The following CTU2 variants were observed in gnomAD, a reference collection of about 807,000 sequenced individuals.
CTU2 encodes the protein cytoplasmic tRNA 2-thiolation protein 2.
In CTU2, 80 loss-of-function variants were observed where a neutral mutation model predicts 64.1. That is an observed-to-expected ratio of 1.25 (90% CI 1.04 to 1.50). CTU2 has a LOEUF of 1.50. CTU2 is among the 40% of genes most tolerant of loss of function. The pLI is 0.00. For synonymous variants in CTU2, 482 were observed against 285.3 expected, an observed-to-expected ratio of 1.69 and a Z score of -6.95; for missense variants, 1,110 against 690.2, an observed-to-expected ratio of 1.61 and a Z score of -6.81.
At position 88,713,542 on chromosome 16, in the gene CTU2, G is replaced by A. The variant is rs543413986; in HGVS notation, c.873+95G>A. 8.7e-4 allele frequency: 1,166 copies of A among 1,338,394 alleles called. 12 individuals carry two copies. In the African/African-American group the frequency reaches 0.024, roughly 28 times the overall value. 82.9% of individuals were successfully genotyped at this position (1,338,394 alleles called of 1,614,324 possible). A position where few individuals can be genotyped will look rare whatever the true frequency, so the allele number is the denominator to read the frequency against. ...GTAGCCTCTCGCGTATCAGTCCTGC[G>A]GCCTCGGATGGTGGTGGGGTCTGTG... On this transcript the variant is annotated intron_variant, in intron 8 of 14. Coordinates refer to ENST00000453996, the MANE Select transcript of CTU2 (RefSeq NM_001012759.3).
At position 88,707,022 on chromosome 16, in the gene CTU2, G is replaced by C. The variant is rs902599216; in HGVS notation, c.69-114G>C. ...CCTGGGTTTGTGTGTGTACCGAGGT[G>C]CCTTTCTCTGACCCAACTCAGGGTG... On this transcript the variant is annotated intron_variant, in intron 1 of 14. Transcript: ENST00000453996. 26 of 965,396 alleles carry C rather than the reference G, an allele frequency of 2.7e-5. No homozygotes were observed. In the South Asian group the frequency reaches 3.3e-4, roughly 12 times the overall value. The allele number at this position is 965,396 out of a possible 1,614,324, so 59.8% of individuals were successfully genotyped here.
In CTU2 at chr16:88,706,577, C is replaced by G; in HGVS notation, c.47C>G (p.Pro16Arg). ...EDYGEPAPEEPPPAPRPSREQ... is the reference protein window; with the variant it reads ...EDYGEPAPEERPPAPRPSREQ... ...TACGGGGAGCCGGCGCCTGAGGAGC[C>G]GCCCCCGGCGCCGCGGCCCAGGTAA... Residue 16 changes from proline to arginine, a missense_variant, in exon 1 of 15, where the codon CCG becomes CGG. Transcript: ENST00000453996. 6.9e-7 allele frequency: 1 copy of G among 1,454,740 alleles called. No individual in the cohort carries two copies. Among genetic ancestry groups the G allele is most frequent in the Admixed American group, 2.7e-5 (1 of 37,564 alleles). 90.1% of individuals were successfully genotyped at this position (1,454,740 alleles called of 1,614,324 possible).
At chr16:88,712,493 TG>T in intron 6 of CTU2, 110 bp downstream of exon 6, 4 of 1,435,902 alleles carry the variant, frequency 2.8e-6, no homozygotes, top group Admixed American at 2.2e-5. Context: ...GGGCTGTCGG[TG>T]GGGGGTGGGA....
At chr16:88,712,438 G>A in intron 6 of CTU2, 55 bp downstream of exon 6, 1 of 1,483,114 alleles carries the variant, frequency 6.7e-7, no homozygotes, top group Non-Finnish European at 9.1e-7. Flanking sequence ...GGGGGCACCT[G>A]CCCGTGTCCC....
At position 88,712,385 on chromosome 16, in the gene CTU2, T is replaced by G. The variant is rs1597429011; in HGVS notation, c.453+2T>G. ...TGGCATGTGGTGGCCTTAGAGGAGG[T>G]GGGAGGGCTGTCCCTGGAAAGGGGT... On this transcript the variant is annotated splice_donor_variant, in intron 6 of 14. Coordinates refer to ENST00000453996, the MANE Select transcript of CTU2 (RefSeq NM_001012759.3). LOFTEE classifies it high-confidence loss of function. 1.0e-5 allele frequency: 16 copies of G among 1,596,558 alleles called. No individual in the cohort carries two copies. The highest frequency in any genetic ancestry group is 1.3e-5 in the Non-Finnish European group (15 of 1,169,792).
chr16:88,713,537 C>T (rs1349106216), intron 8 of CTU2, 90 bp downstream of exon 8: 20 of 1,432,588 alleles, frequency 1.4e-5, no homozygotes, highest in Non-Finnish European at 1.8e-5. Context: ...GCGTATCAGT[C>T]CTGCGGCCTC....
intron 2 of CTU2, among the ~76,000 whole-genome samples, chr16:88,707,958 C>A (rs1041781142): frequency 6.6e-6 from 1 of 152,054 alleles, no homozygotes; most frequent in African/African-American, 2.4e-5. Context: ...TTACAGGTGC[C>A]TGCCATCATG....
intron 9 of CTU2, 21 bp from the exon 10 acceptor site, chr16:88,714,115 C>T (rs765613896): frequency 3.7e-6 from 6 of 1,610,452 alleles, no homozygotes; most frequent in East Asian, 2.2e-5. Context: ...TTCCCATAGC[C>T]TCCAATCTGA....
Position 88,713,452 on chromosome 16 carries a change from G to GC in CTU2, c.873+6dup. The stretch of plus-strand genomic sequence containing the variant: ...GCCTTCCTGGCCTGGGATACGGTAG[G>GC]CAGGGGCCTGGGTGTTCAGGAGGCC... On this transcript the variant is annotated splice_donor_region_variant and intron_variant, in intron 8 of 14. Transcript: ENST00000453996. 6.4e-7 allele frequency: 1 copy of GC among 1,574,262 alleles called. No homozygotes were observed. Among genetic ancestry groups the GC allele is most frequent in the Non-Finnish European group, 8.6e-7 (1 of 1,166,990 alleles).
chr16:88,715,032 C>G lies in CTU2; in HGVS notation c.1420-16C>G. ...TGGCAGGTTTCTTGGCCCCTCGACA[C>G]CGGCCTCTGTTGCAGCCCTCACTGG... On this transcript the variant is annotated splice_polypyrimidine_tract_variant and intron_variant, in intron 13 of 14. Transcript: ENST00000453996. 1.3e-6 allele frequency: 2 copies of G among 1,578,054 alleles called. No individual in the cohort carries two copies. Among genetic ancestry groups the G allele is most frequent in the East Asian group, 2.3e-5 (1 of 44,080 alleles).
chr16:88,711,814 C>T lies in CTU2; in HGVS notation c.343+119C>T, dbSNP rs565498370. On this transcript the variant is annotated intron_variant, in intron 5 of 14. Coordinates refer to ENST00000453996, the MANE Select transcript of CTU2 (RefSeq NM_001012759.3). ...CCTCCCTCTGGTAGGATGTGTTGAG[C>T]TACTGGTGCTGCCCCTGCACTGAGG... The T allele has an allele frequency of 6.8e-5, 63 of 929,588 alleles. No homozygotes were observed. The African/African-American group carries it at 8.9e-4, about 13-fold the overall frequency. 57.6% of individuals were successfully genotyped at this position (929,588 alleles called of 1,614,324 possible). A position where few individuals can be genotyped will look rare whatever the true frequency, so the allele number is the denominator to read the frequency against.
chr16:88,708,632 C>T (rs553096341), intron 2 of CTU2, among the ~76,000 whole-genome samples: 6 of 152,254 alleles, frequency 3.9e-5, no homozygotes, highest in East Asian at 3.9e-4. Context: ...TAAACACAGA[C>T]TTGCTTTACT....
At position 88,715,189 on chromosome 16, in the gene CTU2, G is replaced by A. The variant is rs908212622; in HGVS notation, c.1486G>A (p.Gly496Ser). 29 of 1,612,318 alleles carry A rather than the reference G, an allele frequency of 1.8e-5. No individual in the cohort carries two copies. Among genetic ancestry groups the A allele is most frequent in the Non-Finnish European group, 2.2e-5 (26 of 1,179,842 alleles). The change falls in exon 15 of 15, where the codon GGC becomes AGC. Residue 496 changes from glycine to serine, a missense_variant. By Grantham distance (56) the Gly-to-Ser change is moderately conservative. Transcript: ENST00000453996. ...CTGCAGCTTTCTCTCTAGGGCCTGG[G>A]GCTTGCAGGAGATCCGGGACTGTCT... ...EAQLRTQRAW[G>S]LQEIRDCLIE...
rs2340974 is a variant in CTU2, at chr16:88,713,742, C to T, written c.969C>T (p.Ser323=). 5,458 of 1,612,716 alleles carry T rather than the reference C, an allele frequency of 3.4e-3. 119 individuals carry two copies. In the African/African-American group the frequency reaches 0.051, roughly 15 times the overall value. Reference sequence around the variant, plus strand: ...TCGCTTTCTACAACCGCCTGTTCTCCGTTCCTTCTGTCTTCACACCAGCCG... The same window carrying T: ...TCGCTTTCTACAACCGCCTGTTCTCTGTTCCTTCTGTCTTCACACCAGCCG... ...KEVAFYNRLF[S]VPSVFTPAVD... Residue 323 remains serine, a synonymous_variant, in exon 9 of 15, where the codon TCC becomes TCT. Coordinates refer to ENST00000453996, the MANE Select transcript of CTU2 (RefSeq NM_001012759.3).
In CTU2 at chr16:88,715,036, CCT is replaced by C; in HGVS notation, c.1420-9_1420-8del. On this transcript the variant is annotated splice_polypyrimidine_tract_variant and intron_variant, in intron 13 of 14. Coordinates refer to ENST00000453996, the MANE Select transcript of CTU2 (RefSeq NM_001012759.3). ...AGGTTTCTTGGCCCCTCGACACCGG[CCT>C]CTGTTGCAGCCCTCACTGGACCCCC... 1 of 1,577,390 alleles carries C rather than the reference CCT, an allele frequency of 6.3e-7. No homozygotes were observed. Among genetic ancestry groups the C allele is most frequent in the Non-Finnish European group, 8.6e-7 (1 of 1,160,524 alleles).
rs1420543531 is a variant in CTU2 at position 88,715,382 on chromosome 16, A to AAAAACTCT, written c.*133_*140dup. The AAAAACTCT allele has an allele frequency of 2.6e-6, 3 of 1,151,378 alleles. No individual in the cohort carries two copies. The African/African-American group carries it at 4.7e-5, about 18-fold the overall frequency. 71.3% of individuals were successfully genotyped at this position (1,151,378 alleles called of 1,614,324 possible). ...AAATAAAACATTTTTTAATTAAAAA[A>AAAAACTCT]AAAACTCTACAGTACACGTGGGGGA... On this transcript the variant is annotated 3_prime_UTR_variant, in exon 15 of 15. Coordinates refer to ENST00000453996, the MANE Select transcript of CTU2 (RefSeq NM_001012759.3).
rs1555551074 is a variant in CTU2 at position 88,714,239 on chromosome 16, T to TGCGGGGG, written c.1097+13_1097+14insCGGGGGG. ...AGCACTGTGTACAGGTGTGGGTGTG[T>TGCGGGGG]GTGGGTGTGTGCGGGGGGTGCGCGG... On this transcript the variant is annotated intron_variant, in intron 10 of 14. Transcript: ENST00000453996. 1.9e-6 allele frequency: 3 copies of TGCGGGGG among 1,602,392 alleles called. No homozygotes were observed. Among genetic ancestry groups the TGCGGGGG allele is most frequent in the Non-Finnish European group, 2.6e-6 (3 of 1,176,150 alleles).
At position 88,714,153 on chromosome 16, in the gene CTU2, C is replaced by T. The variant is rs1170037072; in HGVS notation, c.1023C>T (p.Ser341=). 2.5e-6 allele frequency: 4 copies of T among 1,612,622 alleles called. No homozygotes were observed. Among genetic ancestry groups the T allele is most frequent in the Middle Eastern group, 1.6e-4 (1 of 6,084 alleles). ...GTCCCTAGGCCCCTGAAAAGGCCAG[C>T]ATCCACCGGCTGATGGAGGCCTTCA... ...AVDTKAPEKA[S]IHRLMEAFIL... Residue 341 remains serine, a synonymous_variant, in exon 10 of 15, where the codon AGC becomes AGT. Coordinates refer to ENST00000453996, the MANE Select transcript of CTU2 (RefSeq NM_001012759.3).
Position 88,707,117 on chromosome 16 carries a change from C to T in CTU2, c.69-19C>T, listed in dbSNP as rs185353598. ...ATGTGATCTGTGTTTCTCTCTTCTC[C>T]CCCCTCCCATCTCCAAAGCCGTGAG... On this transcript the variant is annotated intron_variant, in intron 1 of 14. Transcript: ENST00000453996. 7,773 of 1,612,104 alleles carry T rather than the reference C, an allele frequency of 4.8e-3. 22 individuals are homozygous for T. The highest frequency in any genetic ancestry group is 5.8e-3 in the Non-Finnish European group (6,780 of 1,178,442).
Sources: allele counts gnomAD v4.1 joint callset (sites outside exome capture counted in the v4.1 genomes callset), GRCh38; gene constraint gnomAD v4.1.1; transcripts MANE v1.5; gene names NCBI Gene and HGNC (gene_info 2026-07-23, HGNC 2026-07-21).